SND1: variants seen among roughly 807,000 people sequenced by gnomAD.
SND1 encodes staphylococcal nuclease and tudor domain containing 1, also known as staphylococcal nuclease domain-containing protein 1.
In SND1, 38 loss-of-function variants were observed where a neutral mutation model predicts 121.7. The ratio of observed to expected loss-of-function variants is 0.31; its 90% CI spans 0.24 to 0.41. The LOEUF (loss-of-function observed/expected upper bound fraction) is 0.41, where lower values mean the gene tolerates loss of function less well. SND1 is among the 10% of genes least tolerant of loss of function. The probability of loss-of-function intolerance (pLI) is 1.00; values close to 1 mark genes in which losing one functional copy is unlikely to be tolerated. For missense variants in SND1, 868 were observed against 1,184.6 expected (o/e 0.73, Z 3.92); for synonymous variants, 401 against 447.4 (o/e 0.90, Z 1.31).
At chr7:127,742,113 G>A (rs1023395063) in intron 10 of SND1, among the ~76,000 whole-genome samples, 1 of 152,130 alleles carries the variant, frequency 6.6e-6, no homozygotes, top group Non-Finnish European at 1.5e-5. Flanking sequence ...TGGGCAGCTG[G>A]TAGCTGGGCC....
intron 10 of SND1, among the ~76,000 whole-genome samples, chr7:127,747,551 C>T (rs1406048248): frequency 6.6e-6 from 1 of 152,188 alleles, no homozygotes; most frequent in Non-Finnish European, 1.5e-5. Flanking sequence ...AATCCAAAAA[C>T]TTCATGTCCA....
At chr7:128,006,894 G>C (rs1040465012) in intron 16 of SND1, among the ~76,000 whole-genome samples, 4 of 152,224 alleles carry the variant, frequency 2.6e-5, no homozygotes, top group African/African-American at 9.7e-5. Flanking sequence ...CCAGCATGGA[G>C]GTCGCAGTCT....
chr7:127,783,708 GAAAA>G (rs1017427722), intron 10 of SND1, among the ~76,000 whole-genome samples: 3 of 151,370 alleles, frequency 2.0e-5, no homozygotes, highest in Non-Finnish European at 4.4e-5. Context: ...AATTTTATGA[GAAAA>G]AAAAATTCTC....
intron 15 of SND1, among the ~76,000 whole-genome samples, chr7:127,963,095 A>C (rs1226008329): frequency 6.6e-6 from 1 of 152,178 alleles, no homozygotes; most frequent in Non-Finnish European, 1.5e-5. Flanking sequence ...GGCTAAAATC[A>C]TTATGTTCTG....
chr7:127,905,031 T>C (rs1388479910), intron 14 of SND1, among the ~76,000 whole-genome samples: 4 of 152,242 alleles, frequency 2.6e-5, no homozygotes, highest in African/African-American at 9.6e-5. Flanking sequence ...ATTCTTTTTC[T>C]TTACCTGAAC....
intron 15 of SND1, among the ~76,000 whole-genome samples, chr7:127,938,902 A>G (rs964330356): frequency 2.0e-5 from 3 of 152,144 alleles, no homozygotes; most frequent in Non-Finnish European, 4.4e-5. Flanking sequence ...TTTTTTTTAT[A>G]TTCAGTGGGC....
chr7:127,761,941 G>T (rs1797312894), intron 10 of SND1, among the ~76,000 whole-genome samples: 2 of 152,106 alleles, frequency 1.3e-5, no homozygotes, highest in Non-Finnish European at 2.9e-5. Flanking sequence ...GAAATTAATT[G>T]ATGTAAGATT....
chr7:127,940,075 TCTC>T (rs1383338610), intron 15 of SND1, among the ~76,000 whole-genome samples: 1 of 152,150 alleles, frequency 6.6e-6, no homozygotes, highest in Admixed American at 6.5e-5. Flanking sequence ...TTCGGGCCCT[TCTC>T]CTTCCCTCCT....
chr7:128,042,455 AAG>A (rs1240202760), intron 16 of SND1: 2 of 152,254 alleles, frequency 1.3e-5, no homozygotes, highest in East Asian at 1.9e-4. Context: ...CCGTGTATGC[AAG>A]AGAGACAGTA....
At chr7:127,979,172 A>G (rs138487258) in intron 15 of SND1, among the ~76,000 whole-genome samples, 1 of 152,246 alleles carries the variant, frequency 6.6e-6, no homozygotes, top group East Asian at 1.9e-4. Flanking sequence ...ACATGTGGCC[A>G]TGTTCTAATA....
At chr7:127,754,272 C>A (rs971910831) in intron 10 of SND1, among the ~76,000 whole-genome samples, 1 of 152,166 alleles carries the variant, frequency 6.6e-6, no homozygotes, top group Non-Finnish European at 1.5e-5. Context: ...AGTGGGCCAT[C>A]ATGCTTTGAG....
chr7:128,012,709 T>G (rs1385963418), intron 16 of SND1, among the ~76,000 whole-genome samples: 1 of 152,136 alleles, frequency 6.6e-6, no homozygotes, highest in Non-Finnish European at 1.5e-5. Context: ...GCTCTGGAGC[T>G]CAGGCTGGAA....
intron 16 of SND1, among the ~76,000 whole-genome samples, chr7:128,004,838 T>C (rs1802921568): frequency 6.6e-6 from 1 of 152,236 alleles, no homozygotes; most frequent in Non-Finnish European, 1.5e-5. Context: ...CGTTTCACCC[T>C]AGGTTTACAG....
At chr7:128,022,133 A>G (rs1238468264) in intron 16 of SND1, among the ~76,000 whole-genome samples, 1 of 131,104 alleles carries the variant, frequency 7.6e-6, no homozygotes, top group Non-Finnish European at 1.6e-5. Flanking sequence ...TGAACCCGGG[A>G]GGCGGAGGTT....
chr7:127,828,576 C>T (rs1259498347), intron 11 of SND1, among the ~76,000 whole-genome samples: 1 of 152,146 alleles, frequency 6.6e-6, no homozygotes, highest in Non-Finnish European at 1.5e-5. Context: ...GCTTCTTTTA[C>T]TGCCTGGGCA....
intron 16 of SND1, among the ~76,000 whole-genome samples, chr7:128,025,344 TCCA>T (rs1803451289): frequency 1.3e-5 from 2 of 152,326 alleles, no homozygotes; most frequent in Admixed American, 6.5e-5. Context: ...TCCCACCTCC[TCCA>T]CTAGCAGTGT....
At chr7:127,904,961 C>A in intron 14 of SND1, 142 bp downstream of exon 14, 1 of 607,558 alleles carries the variant, frequency 1.6e-6, no homozygotes, top group Non-Finnish European at 3.0e-6. Flanking sequence ...CACCCCGGGG[C>A]ATCTACTTAG....
intron 15 of SND1, among the ~76,000 whole-genome samples, chr7:127,935,487 A>G (rs545980218): frequency 1.3e-5 from 2 of 152,366 alleles, no homozygotes; most frequent in South Asian, 2.1e-4. Context: ...TGAAATATTG[A>G]GAAGCACTCG....
At chr7:127,832,959 G>A (rs936138606) in intron 11 of SND1, among the ~76,000 whole-genome samples, 1 of 152,176 alleles carries the variant, frequency 6.6e-6, no homozygotes, top group Non-Finnish European at 1.5e-5. Flanking sequence ...CTGAAGGTGG[G>A]ACAGTTTCAT....
Sources: gnomAD v4.1 joint callset for allele counts (sites outside exome capture counted in the v4.1 genomes callset) on GRCh38, gnomAD v4.1.1 for gene constraint, MANE v1.5 for transcripts, NCBI Gene and HGNC (gene_info 2026-07-23, HGNC 2026-07-21) for gene names.